The following C1GALT1 variants were observed in gnomAD, a reference collection of about 807,000 sequenced individuals.
C1GALT1 encodes the protein glycoprotein-N-acetylgalactosamine 3-beta-galactosyltransferase 1.
C1GALT1 carries 11 observed loss-of-function variants against 31.0 expected under a neutral mutation model. That is an observed-to-expected ratio of 0.36 (90% CI 0.22 to 0.59). The LOEUF (loss-of-function observed/expected upper bound fraction) is 0.59, where lower values mean the gene tolerates loss of function less well. Among genes scored for constraint, C1GALT1 ranks in the 20% least tolerant of loss-of-function variants. The pLI is 0.79. For missense variants in C1GALT1, 424 were observed against 425.2 expected (o/e 1.00, Z 0.03); for synonymous variants, 175 against 143.6 (o/e 1.22, Z -1.56).
Position 7,238,946 on chromosome 7 carries a change from A to G in C1GALT1, c.888+24A>G, listed in dbSNP as rs1413420063. 6 of 1,561,366 alleles carry G rather than the reference A, an allele frequency of 3.8e-6. No homozygotes were observed. Among genetic ancestry groups the G allele is most frequent in the South Asian group, 2.3e-5 (2 of 85,982 alleles). ...AGGTAAGTTTAGAAATTTTATTACT[A>G]TGTCAATACTTGGACTGACTGAATT... On this transcript the variant is annotated intron_variant, in intron 3 of 3. Coordinates refer to ENST00000436587, the MANE Select transcript of C1GALT1 (RefSeq NM_020156.5). The surrounding 1 kb of genome is among the most constrained non-coding windows in gnomAD (Gnocchi z 5.2).
chr7:7,233,793 A>G (rs73045773), intron 1 of C1GALT1, among the ~76,000 whole-genome samples: 11,272 of 152,274 alleles, frequency 0.074, 612 homozygotes, highest in East Asian at 0.18. Context: ...TCCACAAGCT[A>G]CAAGTGTTTT....
chr7:7,232,493 T>G (rs77876714), intron 1 of C1GALT1, among the ~76,000 whole-genome samples: 24,078 of 118,814 alleles, frequency 0.2, 2,660 homozygotes, highest in Admixed American at 0.38. Flanking sequence ...GGTTTTTTTT[T>G]TTTGTTTTTT....
chr7:7,205,288 T>G (rs781241993), intron 1 of C1GALT1, among the ~76,000 whole-genome samples: 3 of 152,224 alleles, frequency 2.0e-5, no homozygotes, highest in Non-Finnish European at 4.4e-5. Context: ...CTTTTGACTT[T>G]TCTAAAGTTT....
chr7:7,247,685 A>G lies in C1GALT1; in HGVS notation c.*3958A>G, dbSNP rs1583849369. On this transcript the variant is annotated 3_prime_UTR_variant, in exon 4 of 4. Transcript: ENST00000436587. ...TTGCCATTTCAATTTTCAGTTCATT[A>G]GACTATAATTCTTTGACAGTTTCTG... is the stretch of plus-strand genomic sequence containing the variant. 1 of 152,088 alleles carries G rather than the reference A, an allele frequency of 6.6e-6. No individual in the cohort carries two copies. Among genetic ancestry groups the G allele is most frequent in the Non-Finnish European group, 1.5e-5 (1 of 67,938 alleles). 9.4% of individuals were successfully genotyped at this position (152,088 alleles called of 1,614,324 possible).
chr7:7,237,538 G>A (rs1783421338), intron 2 of C1GALT1, among the ~76,000 whole-genome samples: 1 of 152,156 alleles, frequency 6.6e-6, no homozygotes, highest in South Asian at 2.1e-4. Flanking sequence ...CAAACCTGTA[G>A]TTTAAAGAGC....
intron 2 of C1GALT1, among the ~76,000 whole-genome samples, chr7:7,171,404 C>T (rs890478228): frequency 6.6e-6 from 1 of 151,836 alleles, no homozygotes; most frequent in Non-Finnish European, 1.5e-5. Context: ...AGTTTTTTGC[C>T]TAATATTAGT....
intron 1 of C1GALT1, among the ~76,000 whole-genome samples, chr7:7,194,709 T>A (rs1207252268): frequency 6.6e-6 from 1 of 152,198 alleles, no homozygotes; most frequent in East Asian, 1.9e-4. Context: ...AGGGAGGGTT[T>A]CCTCTTTCTC....
intron 1 of C1GALT1, among the ~76,000 whole-genome samples, chr7:7,230,132 A>G (rs1396945581): frequency 1.3e-5 from 2 of 152,328 alleles, no homozygotes; most frequent in East Asian, 3.9e-4. Flanking sequence ...CAGCATAAGC[A>G]TGGTGTGTTG....
intron 2 of C1GALT1, among the ~76,000 whole-genome samples, chr7:7,162,849 C>T (rs1419343834): frequency 4.6e-5 from 7 of 152,160 alleles, no homozygotes; most frequent in Non-Finnish European, 1.0e-4. Context: ...TTTTGATTTG[C>T]ATTTCTCTGA....
At chr7:7,202,818 T>C (rs145619150) in intron 1 of C1GALT1, among the ~76,000 whole-genome samples, 2,624 of 152,336 alleles carry the variant, frequency 0.017, 165 homozygotes, top group Admixed American at 0.13. Flanking sequence ...TTGGATAGTA[T>C]TGACATCTTA....
At chr7:7,180,150 GA>G (rs1233448881), upstream of C1GALT1, among the ~76,000 whole-genome samples, 4 of 152,182 alleles carry the variant, frequency 2.6e-5, no homozygotes, top group Non-Finnish European at 4.4e-5. Context: ...TTAAACACTA[GA>G]CACAAGAGAA....
chr7:7,243,766 C>CCTG lies in C1GALT1; in HGVS notation c.*39_*40insCTG. On this transcript the variant is annotated 3_prime_UTR_variant, in exon 4 of 4. Coordinates refer to ENST00000436587, the MANE Select transcript of C1GALT1 (RefSeq NM_020156.5). ...ATGAACAAAGGTAATATGTCTAGCA[C>CCTG]TGCACTGAAAAAGGACTTCTGCATT... 7.0e-7 allele frequency: 1 copy of CCTG among 1,433,792 alleles called. No individual in the cohort carries two copies. The highest frequency in any genetic ancestry group is 1.3e-5 in the South Asian group (1 of 75,124). The allele number at this position is 1,433,792 out of a possible 1,614,324, so 88.8% of individuals were successfully genotyped here.
In C1GALT1 at chr7:7,247,418, A is replaced by G. The variant is rs1783889764; in HGVS notation, c.*3691A>G. On this transcript the variant is annotated 3_prime_UTR_variant, in exon 4 of 4. Transcript: ENST00000436587. Reference sequence around the variant, plus strand: ...AGATTTTTGTCCCAGTTTGCTTTCAAATATAAATTTCAGAGGGCTTTTTCT... The same window carrying G: ...AGATTTTTGTCCCAGTTTGCTTTCAGATATAAATTTCAGAGGGCTTTTTCT... The G allele has an allele frequency of 6.6e-6, 1 of 152,178 alleles. No individual in the cohort carries two copies. The highest frequency in any genetic ancestry group is 1.5e-5 in the Non-Finnish European group (1 of 67,988). The allele number at this position is 152,178 out of a possible 1,614,324, so 9.4% of individuals were successfully genotyped here.
At chr7:7,200,400 A>G (rs1781484221) in intron 1 of C1GALT1, among the ~76,000 whole-genome samples, 1 of 152,228 alleles carries the variant, frequency 6.6e-6, no homozygotes, top group African/African-American at 2.4e-5. Flanking sequence ...GAGTTTCTGC[A>G]GAGAGATCTG....
At chr7:7,190,327 T>A (rs1781012010) in intron 1 of C1GALT1, among the ~76,000 whole-genome samples, 1 of 152,160 alleles carries the variant, frequency 6.6e-6, no homozygotes, top group Admixed American at 6.5e-5. Context: ...AAAATCGCGA[T>A]ACATGTGGAA....
intron 1 of C1GALT1, among the ~76,000 whole-genome samples, chr7:7,188,115 AGAG>A (rs1240673381): frequency 2.0e-5 from 3 of 152,088 alleles, no homozygotes; most frequent in Admixed American, 2.0e-4. Flanking sequence ...CTAGAAATGG[AGAG>A]GAGACAATGG....
intron 1 of C1GALT1, among the ~76,000 whole-genome samples, chr7:7,184,405 CTATT>C (rs1392609781): frequency 2.6e-5 from 4 of 152,036 alleles, no homozygotes; most frequent in South Asian, 2.1e-4. Flanking sequence ...TTTGTGTTTC[CTATT>C]TAAAGTTTTT....
intron 1 of C1GALT1, among the ~76,000 whole-genome samples, chr7:7,218,747 G>T (rs1782366646): frequency 6.6e-6 from 1 of 152,100 alleles, no homozygotes; most frequent in Admixed American, 6.5e-5. Context: ...CATTTGGAAA[G>T]GTCCATTTGG....
intron 1 of C1GALT1, among the ~76,000 whole-genome samples, chr7:7,213,882 T>C (rs1256145434): frequency 6.6e-6 from 1 of 152,208 alleles, no homozygotes; most frequent in South Asian, 2.1e-4. Flanking sequence ...AAAGAACATA[T>C]AAATATCATG....
Sources: allele counts gnomAD v4.1 joint callset (sites outside exome capture counted in the v4.1 genomes callset), GRCh38; gene constraint gnomAD v4.1.1; non-coding constraint Gnocchi (gnomAD v3.1); transcripts MANE v1.5; gene names NCBI Gene and HGNC (gene_info 2026-07-23, HGNC 2026-07-21).